Variants in KAZN observed in about 807,000 individuals in gnomAD.
KAZN encodes kazrin.
Under a neutral mutation model 87.4 loss-of-function variants are expected in KAZN, and 40 were observed. That is an observed-to-expected ratio of 0.46 (90% CI 0.36 to 0.60). The LOEUF is 0.60. KAZN is among the 20% of genes least tolerant of loss of function. The pLI is 0.00. For synonymous variants in KAZN, 466 were observed against 458.3 expected (o/e 1.02, Z -0.22); for missense variants, 898 against 1,073.9 (o/e 0.84, Z 2.29).
intron 2 of KAZN, among the ~76,000 whole-genome samples, chr1:14,544,350 C>CTTTTTTTTTTTTT (rs374148415): frequency 5.5e-3 from 537 of 98,104 alleles, no homozygotes; most frequent in Non-Finnish European, 6.4e-3. Flanking sequence ...TTCTTTCTTT[C>CTTTTTTTTTTTTT]TTTTTTTTTT....
intron 2 of KAZN, among the ~76,000 whole-genome samples, chr1:14,580,390 G>A (rs530011664): frequency 6.6e-6 from 1 of 152,232 alleles, no homozygotes; most frequent in South Asian, 2.1e-4. Flanking sequence ...CAGGAGAATT[G>A]CTTGAACCCA....
At chr1:14,559,422 G>T (rs961741938) in intron 2 of KAZN, among the ~76,000 whole-genome samples, 12 of 152,144 alleles carry the variant, frequency 7.9e-5, no homozygotes, top group Non-Finnish European at 1.3e-4. Flanking sequence ...GGATGGCCAG[G>T]TTCTGGCACC....
intron 2 of KAZN, among the ~76,000 whole-genome samples, chr1:14,219,338 T>C (rs1197380628): frequency 6.6e-6 from 1 of 152,168 alleles, no homozygotes; most frequent in Non-Finnish European, 1.5e-5. Context: ...CTGGCAGATT[T>C]CTTTGTCTTG....
chr1:14,449,162 A>G (rs1214310307), intron 2 of KAZN, among the ~76,000 whole-genome samples: 9 of 152,204 alleles, frequency 5.9e-5, no homozygotes, highest in Admixed American at 5.9e-4. Flanking sequence ...CAAGGAGGTG[A>G]TGGCTTCAGT....
rs1438478162 is a variant in KAZN at position 15,114,467 on chromosome 1, T to C, written c.2164-4T>C. ...GTCCTTTGATCATATTCTTCTCTTC[T>C]CAGCTGCCCCTGGGGAAGATAGGAA... On this transcript the variant is annotated splice_polypyrimidine_tract_variant and splice_region_variant and intron_variant, in intron 14 of 14. Transcript: ENST00000376030. 2 of 1,606,682 alleles carry C rather than the reference T, an allele frequency of 1.2e-6. No homozygotes were observed. Among genetic ancestry groups the C allele is most frequent in the Non-Finnish European group, 1.7e-6 (2 of 1,175,886 alleles).
chr1:14,739,857 C>T (rs1477595387), intron 1 of KAZN, among the ~76,000 whole-genome samples: 1 of 152,070 alleles, frequency 6.6e-6, no homozygotes, highest in Non-Finnish European at 1.5e-5. Context: ...CTGCACCCTT[C>T]AGGAGGGTTT....
intron 2 of KAZN, among the ~76,000 whole-genome samples, chr1:14,455,959 T>A (rs897997863): frequency 2.6e-5 from 4 of 152,206 alleles, no homozygotes; most frequent in Non-Finnish European, 5.9e-5. Flanking sequence ...AGGCCACAAG[T>A]CAGATGCTAT....
intron 1 of KAZN, among the ~76,000 whole-genome samples, chr1:13,925,595 C>G (rs1337603670): frequency 6.6e-6 from 1 of 152,078 alleles, no homozygotes; most frequent in Non-Finnish European, 1.5e-5. Context: ...AAGTGAGGCC[C>G]GAGAGGCACT....
chr1:14,423,693 A>G (rs749278724), intron 2 of KAZN, among the ~76,000 whole-genome samples: 5 of 152,200 alleles, frequency 3.3e-5, no homozygotes, highest in Admixed American at 6.5e-5. Flanking sequence ...TTGGAATCCA[A>G]TTCCTCCCTG....
intron 1 of KAZN, among the ~76,000 whole-genome samples, chr1:14,135,651 G>A (rs4661474): frequency 0.57 from 86,921 of 151,980 alleles, 26,063 homozygotes; most frequent in African/African-American, 0.72. Context: ...CTCTTTAATT[G>A]GTGGGATGGA....
intron 1 of KAZN, among the ~76,000 whole-genome samples, chr1:13,989,875 T>C (rs557209530): frequency 6.6e-6 from 1 of 152,284 alleles, no homozygotes; most frequent in Admixed American, 6.5e-5. Context: ...TTGTCTTCCA[T>C]CCTTGAAGAA....
chr1:14,998,937 A>T (rs958240228), intron 2 of KAZN, among the ~76,000 whole-genome samples: 1 of 152,236 alleles, frequency 6.6e-6, no homozygotes, highest in African/African-American at 2.4e-5. Flanking sequence ...ACAGGCTGTC[A>T]GGCTCAAGGA....
intron 14 of KAZN, 120 bp from the exon 15 acceptor site, chr1:15,114,351 C>A: frequency 1.2e-6 from 1 of 801,440 alleles, no homozygotes; most frequent in Non-Finnish European, 2.0e-6. Context: ...GAGGAGCACA[C>A]AGAGGTTAAG....
intron 2 of KAZN, among the ~76,000 whole-genome samples, chr1:14,212,058 T>C (rs1483481655): frequency 6.6e-6 from 1 of 152,200 alleles, no homozygotes; most frequent in African/African-American, 2.4e-5. Context: ...GGAACACCTC[T>C]TATGAATGGT....
At chr1:14,216,641 C>T (rs930618506) in intron 2 of KAZN, among the ~76,000 whole-genome samples, 3 of 152,212 alleles carry the variant, frequency 2.0e-5, no homozygotes, top group African/African-American at 7.2e-5. Flanking sequence ...CGTGTTGGCT[C>T]ATACCTGTAA....
intron 2 of KAZN, among the ~76,000 whole-genome samples, chr1:15,015,768 C>T (rs1557718505): frequency 6.6e-6 from 1 of 152,156 alleles, no homozygotes. Flanking sequence ...CACAGTCCCC[C>T]TTGGACCCAT....
At chr1:14,057,359 T>C (rs552584233) in intron 1 of KAZN, among the ~76,000 whole-genome samples, 2 of 152,248 alleles carry the variant, frequency 1.3e-5, no homozygotes, top group South Asian at 4.2e-4. Context: ...GGTCTCGAAC[T>C]CCTGACCTCA....
intron 1 of KAZN, among the ~76,000 whole-genome samples, chr1:14,720,132 C>T (rs538063296): frequency 1.3e-5 from 2 of 152,296 alleles, no homozygotes; most frequent in East Asian, 1.9e-4. Flanking sequence ...CCTGGGATTC[C>T]GGAGCTTGTG....
chr1:15,072,669 C>G (rs1250970013), intron 8 of KAZN, among the ~76,000 whole-genome samples: 1 of 152,206 alleles, frequency 6.6e-6, no homozygotes, highest in Non-Finnish European at 1.5e-5. Context: ...ATGTCATCCC[C>G]AGTTTACAGA....
Sources: allele counts gnomAD v4.1 joint callset (sites outside exome capture counted in the v4.1 genomes callset), GRCh38; gene constraint gnomAD v4.1.1; transcripts MANE v1.5; gene names NCBI Gene and HGNC (gene_info 2026-07-23, HGNC 2026-07-21).